The following PARD3B variants were observed in gnomAD, a reference collection of about 807,000 sequenced individuals.
PARD3B encodes the protein partitioning defective 3 homolog B.
A neutral mutation model predicts 130.2 loss-of-function variants in PARD3B; 103 were observed. That is an observed-to-expected ratio of 0.79 (90% CI 0.67 to 0.93). The LOEUF is 0.93. PARD3B is among the 40% of genes least tolerant of loss of function. The pLI is 0.00. For missense variants in PARD3B, 1,609 were observed against 1,499.2 expected (o/e 1.07, Z -1.21); for synonymous variants, 583 against 553.2 (o/e 1.05, Z -0.76).
intron 2 of PARD3B, among the ~76,000 whole-genome samples, chr2:204,831,369 T>C (rs2043811228): frequency 6.6e-6 from 1 of 152,220 alleles, no homozygotes; most frequent in African/African-American, 2.4e-5. Flanking sequence ...TCTTTAAATA[T>C]CACGCTTATA....
chr2:204,819,112 G>A (rs1021769194), intron 2 of PARD3B, among the ~76,000 whole-genome samples: 7 of 152,090 alleles, frequency 4.6e-5, no homozygotes, highest in African/African-American at 1.4e-4. Context: ...AAGTATTTAC[G>A]TATACATACA....
At chr2:204,590,202 G>A (rs2033014325) in intron 1 of PARD3B, among the ~76,000 whole-genome samples, 1 of 152,042 alleles carries the variant, frequency 6.6e-6, no homozygotes, top group Non-Finnish European at 1.5e-5. Flanking sequence ...GTCCTCACAG[G>A]GTGGAGAGCA....
chr2:205,482,401 C>T (rs554382709), intron 20 of PARD3B, among the ~76,000 whole-genome samples: 1 of 151,836 alleles, frequency 6.6e-6, no homozygotes, highest in East Asian at 1.9e-4. Flanking sequence ...TGTCATCTGC[C>T]CAAAAGAAAG....
In PARD3B at chr2:205,321,942, A is replaced by T. The variant is rs911728950; in HGVS notation, c.2630+20241A>T. On this transcript the variant is annotated intron_variant, in intron 18 of 22. Transcript: ENST00000406610. The surrounding 1 kb of genome is among the most constrained non-coding windows in gnomAD (Gnocchi z 4.2). ...TCGGTAACCATTAAATTTGGTGCAG[A>T]GTGCTTGAATGAAATGGTGAACAGG... is the stretch of plus-strand genomic sequence containing the variant. 6.6e-6 allele frequency among the ~76,000 whole-genome samples: 1 copy of T among 152,182 alleles called. No homozygotes were observed. The highest frequency in any genetic ancestry group is 2.4e-5 in the African/African-American group (1 of 41,440).
chr2:204,553,673 T>TATATACACAC, intron 1 of PARD3B, among the ~76,000 whole-genome samples: 1 of 118,190 alleles, frequency 8.5e-6, no homozygotes, highest in Admixed American at 8.1e-5. Flanking sequence ...TATATATATA[T>TATATACACAC]ATATATATAT....
In PARD3B at chr2:204,605,165, C is replaced by T. The variant is rs1014712085; in HGVS notation, c.120+59046C>T. 4.6e-5 allele frequency among the ~76,000 whole-genome samples: 7 copies of T among 152,136 alleles called. No homozygotes were observed. In the East Asian group the frequency reaches 5.8e-4, roughly 13 times the overall value. On this transcript the variant is annotated intron_variant, in intron 1 of 22. Transcript: ENST00000406610. ...CCTGGTGTCAGAAATGCCAGTCCAT[C>T]GTTTCTGCCACAATCTGTTGATCAA...
chr2:205,493,954 T>C (rs1435165186), intron 20 of PARD3B, among the ~76,000 whole-genome samples: 1 of 151,518 alleles, frequency 6.6e-6, no homozygotes, highest in Admixed American at 6.6e-5. Flanking sequence ...AGAGATGGGG[T>C]TTCACCATGT....
At chr2:205,444,180 G>A (rs13419041) in intron 20 of PARD3B, among the ~76,000 whole-genome samples, 6,029 of 152,206 alleles carry the variant, frequency 0.04, 381 homozygotes, top group African/African-American at 0.14. Flanking sequence ...ACGGGGTTTT[G>A]CCACGTTGAC....
intron 18 of PARD3B, among the ~76,000 whole-genome samples, chr2:205,356,570 G>C (rs1338441386): frequency 6.6e-6 from 1 of 152,006 alleles, no homozygotes; most frequent in Non-Finnish European, 1.5e-5. Context: ...CCTTCATTGA[G>C]AAGCTCTGCT....
At chr2:205,531,774 T>C (rs1042262084) in intron 21 of PARD3B, among the ~76,000 whole-genome samples, 1 of 152,178 alleles carries the variant, frequency 6.6e-6, no homozygotes, top group Non-Finnish European at 1.5e-5. Flanking sequence ...TTTAATTGCC[T>C]TATAAACTGA....
At chr2:205,173,371 A>G (rs546926729) in intron 12 of PARD3B, among the ~76,000 whole-genome samples, 1 of 152,104 alleles carries the variant, frequency 6.6e-6, no homozygotes, top group South Asian at 2.1e-4. Flanking sequence ...TCAATCCTAG[A>G]TTTGCTATTT....
At chr2:205,390,841 A>T (rs902732241) in intron 18 of PARD3B, among the ~76,000 whole-genome samples, 1 of 152,338 alleles carries the variant, frequency 6.6e-6, no homozygotes, top group Admixed American at 6.5e-5. Flanking sequence ...GTGTTACTTT[A>T]TGCTATGGAA....
intron 2 of PARD3B, among the ~76,000 whole-genome samples, chr2:204,728,480 C>T (rs2039340030): frequency 6.6e-6 from 1 of 152,188 alleles, no homozygotes; most frequent in South Asian, 2.1e-4. Flanking sequence ...GAGGCTGAGG[C>T]AGTAAGTGTA....
chr2:205,534,241 A>C (rs908178814), intron 21 of PARD3B, among the ~76,000 whole-genome samples: 6 of 152,220 alleles, frequency 3.9e-5, no homozygotes, highest in Admixed American at 2.0e-4. Context: ...ATAGACAATA[A>C]ACAAGTAAAG....
At chr2:204,679,053 G>C (rs1234212159) in intron 1 of PARD3B, among the ~76,000 whole-genome samples, 1 of 152,148 alleles carries the variant, frequency 6.6e-6, no homozygotes, top group African/African-American at 2.4e-5. Flanking sequence ...CATACAAAAG[G>C]TGCTTGTTTT....
chr2:204,871,103 T>C (rs947493784), intron 2 of PARD3B, among the ~76,000 whole-genome samples: 20 of 152,190 alleles, frequency 1.3e-4, no homozygotes, highest in Admixed American at 3.9e-4. Flanking sequence ...GTAATGACTT[T>C]AGATGTTCTT....
intron 13 of PARD3B, among the ~76,000 whole-genome samples, chr2:205,179,491 T>C (rs1404162811): frequency 2.0e-5 from 3 of 152,228 alleles, no homozygotes; most frequent in Non-Finnish European, 4.4e-5. Context: ...TTATCTTTTA[T>C]ACTGGATTTT....
chr2:205,022,889 G>C (rs944597039), intron 3 of PARD3B, among the ~76,000 whole-genome samples: 17 of 152,154 alleles, frequency 1.1e-4, no homozygotes, highest in African/African-American at 4.1e-4. Flanking sequence ...TCTTTTGCTT[G>C]CCTCTTGTTA....
intron 15 of PARD3B, among the ~76,000 whole-genome samples, chr2:205,203,471 A>G: frequency 6.9e-6 from 1 of 144,274 alleles, no homozygotes; most frequent in African/African-American, 2.6e-5. Flanking sequence ...TTATTTTTTT[A>G]CTATACTATA....
Sources: allele counts gnomAD v4.1 joint callset (sites outside exome capture counted in the v4.1 genomes callset), GRCh38; gene constraint gnomAD v4.1.1; non-coding constraint Gnocchi (gnomAD v3.1); transcripts MANE v1.5; gene names NCBI Gene and HGNC (gene_info 2026-07-23, HGNC 2026-07-21).